The following KDM4B variants were observed in gnomAD, a reference collection of about 807,000 sequenced individuals.
KDM4B encodes lysine demethylase 4B.
In KDM4B, 32 loss-of-function variants were observed where a neutral mutation model predicts 125.2. The ratio of observed to expected loss-of-function variants is 0.26; its 90% CI spans 0.19 to 0.34. The LOEUF is 0.34. KDM4B is among the 10% of genes least tolerant of loss of function. The pLI is 1.00. For missense variants in KDM4B, 1,190 were observed against 1,577.7 expected (o/e 0.75, Z 4.16); for synonymous variants, 721 against 677.9 (o/e 1.06, Z -0.99).
chr19:5,076,592 CGTT>C (rs1303705065), intron 7 of KDM4B: 1 of 123,870 alleles, frequency 8.1e-6, no homozygotes, highest in Admixed American at 8.1e-5. Flanking sequence ...TGTGCTCTCT[CGTT>C]GACCGAGTGA....
At chr19:5,132,838 C>G (rs1012765327) in intron 13 of KDM4B, among the ~76,000 whole-genome samples, 30 of 152,324 alleles carry the variant, frequency 2.0e-4, no homozygotes, top group African/African-American at 5.8e-4. Flanking sequence ...CAGCCAGTGG[C>G]TCTGTTCTCA....
chr19:5,049,714 C>G (rs868414096), intron 6 of KDM4B, among the ~76,000 whole-genome samples: 1 of 152,120 alleles, frequency 6.6e-6, no homozygotes, highest in Non-Finnish European at 1.5e-5. Context: ...GACCAGGTGA[C>G]CCCAGCATTA....
rs536932143 is a variant in KDM4B, at chr19:4,972,240, G to C, written c.-109+3010G>C. 3.9e-5 allele frequency among the ~76,000 whole-genome samples: 6 copies of C among 152,350 alleles called. No individual in the cohort carries two copies. In the South Asian group the frequency reaches 1.2e-3, roughly 32 times the overall value. ...TGTCCCATGCCCCACACAGGCTTCA[G>C]AGTTGGAGAGACCTGGATTCAGATC... On this transcript the variant is annotated intron_variant, in intron 1 of 22. Coordinates refer to ENST00000159111, the MANE Select transcript of KDM4B (RefSeq NM_015015.3).
At chr19:5,020,149 G>T in intron 2 of KDM4B, among the ~76,000 whole-genome samples, 1 of 117,356 alleles carries the variant, frequency 8.5e-6, no homozygotes, top group South Asian at 2.9e-4. Flanking sequence ...ATGTTGGTGT[G>T]CAGGTGTTGG....
rs981151967 is a variant in KDM4B, at chr19:5,008,247, A to G, written c.-108-8010A>G. Among the ~76,000 whole-genome samples the G allele has an allele frequency of 3.9e-5, 6 of 152,358 alleles. No individual in the cohort carries two copies. The South Asian group carries it at 8.3e-4, about 21-fold the overall frequency. ...TTGTGTGTGAATATCCAGCTGTCCC[A>G]GCACTATTTGTTGAAAAAACTGTTC... On this transcript the variant is annotated intron_variant, in intron 1 of 22. Transcript: ENST00000159111.
Position 4,974,413 on chromosome 19 carries a change from A to T in KDM4B, c.-109+5183A>T, listed in dbSNP as rs915300729. ...CGAGACTCCATCTCAAAAATAAATA[A>T]ATAAGTAAGTAAGTAAGTAAATAAA... On this transcript the variant is annotated intron_variant, in intron 1 of 22. Transcript: ENST00000159111. Among the ~76,000 whole-genome samples, 26 of 151,728 alleles carry T rather than the reference A, an allele frequency of 1.7e-4. No homozygotes were observed. The South Asian group carries it at 4.6e-3, about 27-fold the overall frequency.
At chr19:5,030,438 G>A (rs1436224324) in intron 2 of KDM4B, among the ~76,000 whole-genome samples, 1 of 152,220 alleles carries the variant, frequency 6.6e-6, no homozygotes, top group Non-Finnish European at 1.5e-5. Flanking sequence ...GGTGGGCTTT[G>A]ATGACCTGGA....
At chr19:5,149,642 C>A (rs544836180) in intron 21 of KDM4B, among the ~76,000 whole-genome samples, 1 of 152,310 alleles carries the variant, frequency 6.6e-6, no homozygotes, top group African/African-American at 2.4e-5. Context: ...CCCTGGCACG[C>A]CCTTCATGGG....
intron 11 of KDM4B, among the ~76,000 whole-genome samples, chr19:5,126,632 C>T (rs772885637): frequency 2.0e-5 from 3 of 152,240 alleles, no homozygotes; most frequent in East Asian, 1.9e-4. Context: ...TTTTAGAACA[C>T]GGAAAGCAAA....
rs1036669253 is a variant in KDM4B, at chr19:5,145,015, G to A, written c.3021+113G>A. 1.5e-5 allele frequency: 21 copies of A among 1,434,812 alleles called. No homozygotes were observed. The East Asian group carries it at 3.8e-4, about 26-fold the overall frequency. The allele number at this position is 1,434,812 out of a possible 1,614,324, so 88.9% of individuals were successfully genotyped here. A position where few individuals can be genotyped will look rare whatever the true frequency, so the allele number is the denominator to read the frequency against. On this transcript the variant is annotated intron_variant, in intron 21 of 22. Transcript: ENST00000159111. ...GTGCCTTTGCCTGGGGCACTGGCGG[G>A]TGTGGGCCATGGTTAGTGAGGCCCG...
In KDM4B at chr19:5,144,317, C is replaced by G; in HGVS notation, c.2806C>G (p.Arg936Gly). Residue 936 changes from arginine to glycine, a missense_variant, in exon 20 of 23, where the codon CGC (arginine) becomes GGC (glycine). Arg to Gly is a moderately radical substitution (Grantham distance 125, BLOSUM62 -2). Transcript: ENST00000159111. ...ITKNRNGLYY[R>G]CRVIGAASQT... is the part of the protein sequence containing the mutation. ...CAAGAACCGCAACGGGCTGTACTAC[C>G]GCTGTCGCGTCATCGGTGCCGCCTC... 1 of 1,586,334 alleles carries G rather than the reference C, an allele frequency of 6.3e-7. No homozygotes were observed. The highest frequency in any genetic ancestry group is 8.6e-7 in the Non-Finnish European group (1 of 1,166,698).
chr19:5,005,047 G>T (rs2035514453), intron 1 of KDM4B, among the ~76,000 whole-genome samples: 1 of 152,212 alleles, frequency 6.6e-6, no homozygotes, highest in Non-Finnish European at 1.5e-5. Flanking sequence ...TGCGCGCTCT[G>T]TGTGTGCCGG....
intron 3 of KDM4B, 130 bp downstream of exon 3, chr19:5,033,161 C>A: frequency 9.3e-7 from 1 of 1,070,518 alleles, no homozygotes; most frequent in Non-Finnish European, 1.4e-6. Context: ...CGGGGCCACT[C>A]CCAGCTCGTT....
intron 6 of KDM4B, among the ~76,000 whole-genome samples, chr19:5,057,951 C>T (rs1188888544): frequency 6.6e-6 from 1 of 152,168 alleles, no homozygotes; most frequent in Non-Finnish European, 1.5e-5. Context: ...TGTCCAAGGT[C>T]GCCCTGGGTG....
chr19:4,972,788 A>C (rs1033360335), intron 1 of KDM4B, among the ~76,000 whole-genome samples: 4 of 151,800 alleles, frequency 2.6e-5, no homozygotes, highest in Admixed American at 1.3e-4. Flanking sequence ...CACACTCCTC[A>C]CCTGGTTGTT....
chr19:4,983,718 AAG>A (rs1164571198), intron 1 of KDM4B, among the ~76,000 whole-genome samples: 2 of 152,162 alleles, frequency 1.3e-5, no homozygotes, highest in African/African-American at 2.4e-5. Context: ...GAAAGCCCAG[AAG>A]AGAGACTTGT....
chr19:5,040,147 G>A (rs2036760737), intron 4 of KDM4B, 136 bp downstream of exon 4: 2 of 997,374 alleles, frequency 2.0e-6, no homozygotes, highest in Non-Finnish European at 2.9e-6. Context: ...CCCCGTGTGG[G>A]CTGTGGCGAC....
chr19:5,144,922 G>A lies in KDM4B; in HGVS notation c.3021+20G>A. 3.1e-6 allele frequency: 5 copies of A among 1,612,596 alleles called. No individual in the cohort carries two copies. The South Asian group carries it at 5.5e-5, about 18-fold the overall frequency. On this transcript the variant is annotated intron_variant, in intron 21 of 22. Transcript: ENST00000159111. The stretch of plus-strand genomic sequence containing the variant: ...TACCAGGTAAGCGGGGGATCTGGCA[G>A]CCGCGCCATGCCTTCACCAAGCTCT...
chr19:5,000,018 TATCCATCC>T (rs1196720066), intron 1 of KDM4B, among the ~76,000 whole-genome samples: 2 of 82,372 alleles, frequency 2.4e-5, no homozygotes, highest in African/African-American at 9.8e-5. Context: ...CCTATCCATC[TATCCATCC>T]ATCCATCCAC....
Sources: gnomAD v4.1 joint callset for allele counts (sites outside exome capture counted in the v4.1 genomes callset) on GRCh38, gnomAD v4.1.1 for gene constraint, MANE v1.5 for transcripts, NCBI Gene and HGNC (gene_info 2026-07-23, HGNC 2026-07-21) for gene names.